The following PSD3 variants were observed in gnomAD, a reference collection of about 807,000 sequenced individuals.
PSD3 encodes pleckstrin and Sec7 domain containing 3, also known as PH and SEC7 domain-containing protein 3.
Under a neutral mutation model 105.5 loss-of-function variants are expected in PSD3, and 49 were observed. The observed-to-expected ratio is 0.46, with a 90% CI of 0.37 to 0.59. The LOEUF (loss-of-function observed/expected upper bound fraction) is 0.59, where lower values mean the gene tolerates loss of function less well. Ranked by LOEUF, PSD3 falls within the 20% of genes least tolerant of loss-of-function variation. The probability of loss-of-function intolerance (pLI) is 0.00; values close to 1 mark genes in which losing one functional copy is unlikely to be tolerated. For synonymous variants in PSD3, 557 were observed against 457.8 expected (o/e 1.22, Z -2.77); for missense variants, 1,561 against 1,263.8 (o/e 1.24, Z -3.57).
chr8:18,718,979 A>G (rs992702667), intron 9 of PSD3, among the ~76,000 whole-genome samples: 32 of 152,194 alleles, frequency 2.1e-4, no homozygotes, highest in African/African-American at 7.5e-4. Flanking sequence ...GGAGCTGTCA[A>G]CCAGCTGATG....
intron 1 of PSD3, among the ~76,000 whole-genome samples, chr8:19,083,674 G>A (rs866562554): frequency 3.3e-5 from 5 of 152,202 alleles, no homozygotes; most frequent in Middle Eastern, 6.8e-3. Flanking sequence ...CAGCTCCCTG[G>A]AGCCTCCCCC....
chr8:18,943,595 G>A, intron 1 of PSD3, among the ~76,000 whole-genome samples: 1 of 152,084 alleles, frequency 6.6e-6, no homozygotes, highest in East Asian at 1.9e-4. Flanking sequence ...TGAAGTGAAG[G>A]AAAAGGGAGT....
intron 4 of PSD3, among the ~76,000 whole-genome samples, chr8:18,837,826 C>A (rs1455554605): frequency 6.6e-6 from 1 of 152,166 alleles, no homozygotes; most frequent in Non-Finnish European, 1.5e-5. Context: ...CACTAGTCAT[C>A]TCTGAGATGT....
chr8:18,582,736 C>T (rs889112766), intron 12 of PSD3, among the ~76,000 whole-genome samples: 70 of 151,916 alleles, frequency 4.6e-4, no homozygotes, highest in African/African-American at 1.7e-3. Flanking sequence ...TTACCCCTGC[C>T]CTTGTTCAAG....
At chr8:18,763,646 AGAAAGGGAG>A (rs1371975417) in intron 9 of PSD3, among the ~76,000 whole-genome samples, 1 of 152,200 alleles carries the variant, frequency 6.6e-6, no homozygotes, top group Non-Finnish European at 1.5e-5. Flanking sequence ...GAAGGCAGGA[AGAAAGGGAG>A]GAAAGGGAAG....
intron 9 of PSD3, among the ~76,000 whole-genome samples, chr8:18,721,887 C>G (rs1444719504): frequency 6.6e-6 from 1 of 151,912 alleles, no homozygotes; most frequent in Non-Finnish European, 1.5e-5. Flanking sequence ...TACGAGACAC[C>G]CAATGGCTGC....
intron 12 of PSD3, among the ~76,000 whole-genome samples, chr8:18,591,217 C>T (rs1056540520): frequency 1.3e-5 from 2 of 152,142 alleles, no homozygotes; most frequent in Non-Finnish European, 2.9e-5. Flanking sequence ...AGCTAGCATG[C>T]CTCAGCACCA....
intron 12 of PSD3, among the ~76,000 whole-genome samples, chr8:18,595,538 C>G (rs931184719): frequency 1.3e-5 from 2 of 150,352 alleles, no homozygotes; most frequent in African/African-American, 4.9e-5. Context: ...CTACAAGAGA[C>G]TCACTTTAGA....
rs534478274 is a variant in PSD3 at position 18,628,621 on chromosome 8, A to G, written c.2410+3992T>C. ...TCTGCTTAAAGCAAAAATATTAACAATGAACTACTTTAAGTTTTAGAACAT... is the reference window on the plus strand; with the variant it reads ...TCTGCTTAAAGCAAAAATATTAACAGTGAACTACTTTAAGTTTTAGAACAT... On this transcript the variant is annotated intron_variant, in intron 11 of 15. Coordinates refer to ENST00000327040, the MANE Select transcript of PSD3 (RefSeq NM_015310.4). Among the ~76,000 whole-genome samples, 9 of 152,128 alleles carry G rather than the reference A, an allele frequency of 5.9e-5. No individual in the cohort carries two copies. The South Asian group carries it at 6.2e-4, about 11-fold the overall frequency.
chr8:18,541,167 A>AC (rs1207458018), intron 15 of PSD3, among the ~76,000 whole-genome samples: 4 of 151,652 alleles, frequency 2.6e-5, no homozygotes, highest in Admixed American at 6.6e-5. Context: ...GAAAAAAAAA[A>AC]AAAAACCTTT....
chr8:18,557,299 T>A (rs897373297), intron 14 of PSD3, among the ~76,000 whole-genome samples: 7 of 152,208 alleles, frequency 4.6e-5, no homozygotes, highest in Non-Finnish European at 2.9e-5. Context: ...GTATTTTATA[T>A]AACACCAACA....
At position 18,535,381 on chromosome 8, in the gene PSD3, A is replaced by T; in HGVS notation, c.*362T>A. 9.2e-6 allele frequency: 2 copies of T among 217,388 alleles called. No homozygotes were observed. Among genetic ancestry groups the T allele is most frequent in the Non-Finnish European group, 1.9e-5 (2 of 106,798 alleles). 13.5% of individuals were successfully genotyped at this position (217,388 alleles called of 1,614,324 possible). A position where few individuals can be genotyped will look rare whatever the true frequency, so the allele number is the denominator to read the frequency against. On this transcript the variant is annotated 3_prime_UTR_variant, in exon 16 of 16. Coordinates refer to ENST00000327040, the MANE Select transcript of PSD3 (RefSeq NM_015310.4). ...CCAGTTAAGTGTTTCACAATGGATT[A>T]AATTCTTTAACCTTAAAAAAAAGTT...
chr8:18,919,257 G>A (rs1002984852), intron 2 of PSD3, among the ~76,000 whole-genome samples: 1 of 152,214 alleles, frequency 6.6e-6, no homozygotes, highest in South Asian at 2.1e-4. Flanking sequence ...AGAAACGCCA[G>A]CCAGGAAGGA....
At chr8:18,645,916 C>T (rs1381237659) in intron 10 of PSD3, among the ~76,000 whole-genome samples, 1 of 151,994 alleles carries the variant, frequency 6.6e-6, no homozygotes, top group Non-Finnish European at 1.5e-5. Context: ...ACCTATGACC[C>T]TAAATGCCAA....
intron 15 of PSD3, among the ~76,000 whole-genome samples, chr8:18,550,177 A>T (rs1040936083): frequency 1.2e-4 from 18 of 152,370 alleles, no homozygotes; most frequent in African/African-American, 4.3e-4. Flanking sequence ...ATTTCAAATC[A>T]CATGATTGGC....
At chr8:18,875,838 T>C (rs1817702523) in intron 2 of PSD3, among the ~76,000 whole-genome samples, 1 of 152,052 alleles carries the variant, frequency 6.6e-6, no homozygotes, top group African/African-American at 2.4e-5. Flanking sequence ...CGCCTGGCCA[T>C]TCCAGAACAT....
intron 9 of PSD3, among the ~76,000 whole-genome samples, chr8:18,724,929 G>A (rs947360066): frequency 1.3e-5 from 2 of 152,090 alleles, no homozygotes; most frequent in African/African-American, 4.8e-5. Flanking sequence ...TGGGCAGGTG[G>A]GCTTAGGCAA....
intron 10 of PSD3, among the ~76,000 whole-genome samples, chr8:18,647,058 C>G (rs1039619468): frequency 3.9e-5 from 6 of 152,188 alleles, no homozygotes; most frequent in Non-Finnish European, 7.3e-5. Context: ...CACACACTCA[C>G]ACCTTCATGG....
intron 10 of PSD3, among the ~76,000 whole-genome samples, chr8:18,634,658 G>C (rs2130776890): frequency 6.6e-6 from 1 of 152,074 alleles, no homozygotes; most frequent in African/African-American, 2.4e-5. Flanking sequence ...GAACAGTATT[G>C]GTCAGTTATC....
Sources: allele counts gnomAD v4.1 joint callset (sites outside exome capture counted in the v4.1 genomes callset), GRCh38; gene constraint gnomAD v4.1.1; transcripts MANE v1.5; gene names NCBI Gene and HGNC (gene_info 2026-07-23, HGNC 2026-07-21).